RAPH1: variants seen among roughly 807,000 people sequenced by gnomAD.
RAPH1 encodes Ras association (RalGDS/AF-6) and pleckstrin homology domains 1.
Under a neutral mutation model 88.1 loss-of-function variants are expected in RAPH1, and 18 were observed. The observed-to-expected ratio is 0.20, with a 90% CI of 0.14 to 0.30. The LOEUF (loss-of-function observed/expected upper bound fraction) is 0.30. Ranked by LOEUF, RAPH1 falls within the 10% of genes least tolerant of loss-of-function variation. The pLI, the probability that RAPH1 is intolerant of heterozygous loss-of-function variation, is 1.00. For missense variants in RAPH1, 1,448 were observed against 1,543.2 expected (o/e 0.94, Z 1.03); for synonymous variants, 587 against 559.0 (o/e 1.05, Z -0.71).
intron 2 of RAPH1, among the ~76,000 whole-genome samples, chr2:203,492,648 T>C (rs1009547066): frequency 1.3e-5 from 2 of 152,246 alleles, no homozygotes; most frequent in Non-Finnish European, 2.9e-5. Context: ...TCAGTAGTTA[T>C]TGTTTAATAG....
intron 1 of RAPH1, among the ~76,000 whole-genome samples, chr2:203,496,588 G>C (rs1688525614): frequency 6.6e-6 from 1 of 152,166 alleles, no homozygotes; most frequent in African/African-American, 2.4e-5. Flanking sequence ...AGGCATGTTA[G>C]TATGAACTTG....
At position 203,444,886 on chromosome 2, in the gene RAPH1, C is replaced by T; in HGVS notation, c.1758G>A (p.Gln586=). 6.2e-7 allele frequency: 1 copy of T among 1,614,154 alleles called. No individual in the cohort carries two copies. Among genetic ancestry groups the T allele is most frequent in the South Asian group, 1.1e-5 (1 of 91,060 alleles). The change falls in exon 13 of 14, where the codon CAG becomes CAA. Residue 586 remains glutamine (Q), a synonymous_variant. Transcript: ENST00000319170. Reference sequence around the variant, plus strand: ...CTGTTACCTTGCTGGACTCTTCCAACTGAGTGCCTCGTTTCCAGGCTTCAG... The same window carrying T: ...CTGTTACCTTGCTGGACTCTTCCAATTGAGTGCCTCGTTTCCAGGCTTCAG... ...VFSEAWKRGT[Q]LEESSKARME...
intron 1 of RAPH1, among the ~76,000 whole-genome samples, chr2:203,501,226 G>C (rs1414715817): frequency 6.6e-6 from 1 of 152,144 alleles, no homozygotes; most frequent in Non-Finnish European, 1.5e-5. Context: ...GAGGAAGTCA[G>C]AGCAGAGAAG....
intron 1 of RAPH1, among the ~76,000 whole-genome samples, chr2:203,529,937 G>A (rs1266991001): frequency 6.6e-6 from 1 of 152,132 alleles, no homozygotes; most frequent in Non-Finnish European, 1.5e-5. Flanking sequence ...TGCGTCTTCA[G>A]TGTCATCTTC....
At chr2:203,503,450 C>A (rs1195182962) in intron 1 of RAPH1, among the ~76,000 whole-genome samples, 1 of 152,140 alleles carries the variant, frequency 6.6e-6, no homozygotes, top group Non-Finnish European at 1.5e-5. Flanking sequence ...CCCATCAGAT[C>A]TCATGAACTT....
chr2:203,528,093 A>G (rs1483794541), intron 1 of RAPH1, among the ~76,000 whole-genome samples: 2 of 152,188 alleles, frequency 1.3e-5, no homozygotes, highest in Admixed American at 6.6e-5. Context: ...TCTTTTATAA[A>G]AAGAGTAGAG....
At chr2:203,506,804 A>C (rs1310043357) in intron 1 of RAPH1, among the ~76,000 whole-genome samples, 1 of 117,248 alleles carries the variant, frequency 8.5e-6, no homozygotes, top group African/African-American at 4.1e-5. Flanking sequence ...CTATATATAT[A>C]TCTATATCTA....
intron 1 of RAPH1, among the ~76,000 whole-genome samples, chr2:203,511,270 A>T (rs2469956): frequency 0.082 from 11,361 of 139,312 alleles, 707 homozygotes; most frequent in African/African-American, 0.19. Flanking sequence ...ACATTTCTTT[A>T]AAAAAAAAAA....
Position 203,455,555 on chromosome 2 carries a change from G to A in RAPH1, c.1184C>T (p.Thr395Ile), listed in dbSNP as rs768868214. Residue 395 changes from threonine (T) to isoleucine (I), a missense_variant, in exon 9 of 14, where the codon ACT becomes ATT. Thr to Ile is a moderately conservative substitution (Grantham distance 89). Around this residue, in one of 2 missense-constraint regions of RAPH1, gnomAD observed 513 missense variants for 653.1 expected, o/e 0.79. Transcript: ENST00000319170. The stretch of plus-strand genomic sequence containing the variant: ...AAGGACTCCTTCAATTTCTGGTACA[G>A]TTACAGAACTTCCACAAAAACATTC... ...LEECFCGSSV[T>I]VPEIEGVLWL... The A allele has an allele frequency of 3.1e-6, 5 of 1,612,108 alleles. No individual in the cohort carries two copies. The highest frequency in any genetic ancestry group is 2.5e-6 in the Non-Finnish European group (3 of 1,179,218).
chr2:203,507,994 C>A (rs1389005251), intron 1 of RAPH1, among the ~76,000 whole-genome samples: 6 of 151,436 alleles, frequency 4.0e-5, no homozygotes, highest in South Asian at 2.1e-4. Flanking sequence ...GGGCGGATCA[C>A]CAGGTCAGGA....
chr2:203,506,783 G>T lies in RAPH1; in HGVS notation c.1-11430C>A, dbSNP rs79662952. Among the ~76,000 whole-genome samples, 316 of 38,184 alleles carry T rather than the reference G, an allele frequency of 8.3e-3. 9 individuals are homozygous for T. Among genetic ancestry groups the T allele is most frequent in the African/African-American group, 0.015 (127 of 8,590 alleles). The allele number at this position is 38,184 out of a possible 152,430, so 25.1% of individuals were successfully genotyped here. The stretch of plus-strand genomic sequence containing the variant: ...CTATATATATATCTATATATATCTA[G>T]ATATATATATCTATATATATATCTA... On this transcript the variant is annotated intron_variant, in intron 1 of 13. Transcript: ENST00000319170.
At position 203,454,371 on chromosome 2, in the gene RAPH1, C is replaced by G. The variant is rs989253957; in HGVS notation, c.1413+59G>C. 3 of 1,128,630 alleles carry G rather than the reference C, an allele frequency of 2.7e-6. No individual in the cohort carries two copies. The African/African-American group carries it at 4.6e-5, about 17-fold the overall frequency. 69.9% of individuals were successfully genotyped at this position (1,128,630 alleles called of 1,614,324 possible). ...GGAATCTCAACAGTTCTAAAATATC[C>G]AATAACCTGCTCTATGTCTAACATC... On this transcript the variant is annotated intron_variant, in intron 10 of 13. Coordinates refer to ENST00000319170, the MANE Select transcript of RAPH1 (RefSeq NM_213589.3).
At chr2:203,496,079 T>TG (rs1027688309) in intron 1 of RAPH1, among the ~76,000 whole-genome samples, 1 of 152,184 alleles carries the variant, frequency 6.6e-6, no homozygotes, top group Non-Finnish European at 1.5e-5. Flanking sequence ...ATAGTGTGGC[T>TG]GGGCGTGGTG....
intron 2 of RAPH1, among the ~76,000 whole-genome samples, chr2:203,494,017 A>AAAAAAAT (rs1581356790): frequency 2.2e-4 from 28 of 129,812 alleles, no homozygotes; most frequent in Non-Finnish European, 2.5e-4. Context: ...AAAAAAAAAA[A>AAAAAAAT]TCCCCCCAAA....
At position 203,435,738 on chromosome 2, in the gene RAPH1, T is replaced by C. The variant is rs916976043; in HGVS notation, c.*3699A>G. On this transcript the variant is annotated 3_prime_UTR_variant, in exon 14 of 14. Transcript: ENST00000319170. Reference sequence around the variant, plus strand: ...AGCTCTGTAGGTATATGAAAAACTTTTGGTAATGTACAAAAATAGGAATGG... The same window carrying C: ...AGCTCTGTAGGTATATGAAAAACTTCTGGTAATGTACAAAAATAGGAATGG... 2 of 152,220 alleles carry C rather than the reference T, an allele frequency of 1.3e-5. No individual in the cohort carries two copies. Among genetic ancestry groups the C allele is most frequent in the Non-Finnish European group, 2.9e-5 (2 of 68,044 alleles). The allele number at this position is 152,220 out of a possible 1,614,324, so 9.4% of individuals were successfully genotyped here.
At chr2:203,529,929 C>T (rs987633606) in intron 1 of RAPH1, among the ~76,000 whole-genome samples, 17 of 152,158 alleles carry the variant, frequency 1.1e-4, no homozygotes, top group African/African-American at 3.9e-4. Context: ...GTGGTCCCTG[C>T]GTCTTCAGTG....
At chr2:203,463,075 G>A (rs1246789268) in intron 4 of RAPH1, among the ~76,000 whole-genome samples, 5 of 151,800 alleles carry the variant, frequency 3.3e-5, no homozygotes, top group Non-Finnish European at 5.9e-5. Flanking sequence ...GGTGGTGTGT[G>A]CCTGTAACCC....
chr2:203,528,994 TA>T (rs1456139411), intron 1 of RAPH1, among the ~76,000 whole-genome samples: 6 of 84,598 alleles, frequency 7.1e-5, no homozygotes, highest in South Asian at 4.2e-4. Context: ...TATATATATA[TA>T]TATATATATA....
At position 203,441,400 on chromosome 2, in the gene RAPH1, G is replaced by A. The variant is rs1186964650; in HGVS notation, c.1790C>T (p.Ser597Phe). Residue 597 changes from serine to phenylalanine, a missense_variant, in exon 14 of 14, where the codon TCT becomes TTT. Transcript: ENST00000319170. ...LEESSKARMESMNRPYTSLVP... is the reference protein window; with the variant it reads ...LEESSKARMEFMNRPYTSLVP... ...AAGTGAAGTGTAGGGCCGATTCATA[G>A]ACTCCATTCTGGCCTAAAAGGAGTA... 6.4e-7 allele frequency: 1 copy of A among 1,554,476 alleles called. No individual in the cohort carries two copies. The highest frequency in any genetic ancestry group is 8.7e-7 in the Non-Finnish European group (1 of 1,153,812).
Sources: gnomAD v4.1 joint callset for allele counts (sites outside exome capture counted in the v4.1 genomes callset) on GRCh38, gnomAD v4.1.1 for gene constraint, gnomAD v4.1.1 regional missense constraint, MANE v1.5 for transcripts, NCBI Gene and HGNC (gene_info 2026-07-23, HGNC 2026-07-21) for gene names.